GPI: variants seen among roughly 807,000 people sequenced by gnomAD.
GPI encodes D-hexose-6-phosphate anomerase.
Under a neutral mutation model 75.8 loss-of-function variants are expected in GPI, and 56 were observed. The observed-to-expected ratio is 0.74, with a 90% CI of 0.60 to 0.92. The LOEUF is 0.92. Ranked by LOEUF, GPI falls within the 40% of genes least tolerant of loss-of-function variation. The pLI is 0.00. For synonymous variants in GPI, 288 were observed against 285.4 expected, an observed-to-expected ratio of 1.01 and a Z score of -0.09; for missense variants, 638 against 741.0, an observed-to-expected ratio of 0.86 and a Z score of 1.61.
Position 34,377,803 on chromosome 19 carries a change from C to T in GPI, c.555C>T (p.Ser185=), listed in dbSNP as rs1287663478. The change falls in exon 6 of 18, where the codon TCC becomes TCT. Residue 185 remains serine, a synonymous_variant. Transcript: ENST00000356487. Reference sequence around the variant, plus strand: ...GAGGTCCCCGCGTCTGGTATGTCTCCAACATTGATGGAACTCACATTGCCA... The same window carrying T: ...GAGGTCCCCGCGTCTGGTATGTCTCTAACATTGATGGAACTCACATTGCCA... ...SSGGPRVWYV[S]NIDGTHIAKT... 6.2e-7 allele frequency: 1 copy of T among 1,614,056 alleles called. No individual in the cohort carries two copies. The highest frequency in any genetic ancestry group is 1.3e-5 in the African/African-American group (1 of 75,026).
At position 34,372,396 on chromosome 19, in the gene GPI, C is replaced by A. The variant is rs550852201; in HGVS notation, c.402+3694C>A. 3.3e-5 allele frequency among the ~76,000 whole-genome samples: 5 copies of A among 152,320 alleles called. No homozygotes were observed. The South Asian group carries it at 1.0e-3, about 32-fold the overall frequency. On this transcript the variant is annotated intron_variant, in intron 4 of 17. Coordinates refer to ENST00000356487, the MANE Select transcript of GPI (RefSeq NM_000175.5). The stretch of plus-strand genomic sequence containing the variant: ...GTTGCTCACATCTGTAATCCCAGCA[C>A]TTTGGGAGGCAGAGGCAAGAGGATT...
At position 34,365,657 on chromosome 19, in the gene GPI, C is replaced by T. The variant is rs1285487298; in HGVS notation, c.122+269C>T. ...GCCCCTCCGTGGGGACATTTCCCCT[C>T]CTCCTCCCCGTGCAGCTCTGGCCAT... On this transcript the variant is annotated intron_variant, in intron 1 of 17. Transcript: ENST00000356487. 8.0e-6 allele frequency: 5 copies of T among 627,420 alleles called. No homozygotes were observed. In the East Asian group the frequency reaches 1.0e-4, roughly 13 times the overall value. The allele number at this position is 627,420 out of a possible 1,614,324, so 38.9% of individuals were successfully genotyped here.
chr19:34,371,342 A>G (rs528275602), intron 4 of GPI, among the ~76,000 whole-genome samples: 1 of 152,366 alleles, frequency 6.6e-6, no homozygotes, highest in African/African-American at 2.4e-5. Flanking sequence ...CCTGAAACCA[A>G]GCTGTACTCA....
intron 1 of GPI, chr19:34,365,664 C>T (rs1189097861): frequency 3.2e-6 from 2 of 615,714 alleles, no homozygotes; most frequent in East Asian, 3.5e-5. Context: ...CCTCCTCCTC[C>T]CCGTGCAGCT....
Position 34,379,626 on chromosome 19 carries a change from C to A in GPI, c.750+64C>A, listed in dbSNP as rs554490172. The A allele has an allele frequency of 2.3e-6, 3 of 1,324,640 alleles. No homozygotes were observed. In the African/African-American group the frequency reaches 4.3e-5, roughly 19 times the overall value. The allele number at this position is 1,324,640 out of a possible 1,614,324, so 82.1% of individuals were successfully genotyped here. ...AGTGCCCAGCATGTCCAGGTCATGG[C>A]CTCTCAGAGACGCGGTTCGTAGGTC... On this transcript the variant is annotated intron_variant, in intron 8 of 17. Transcript: ENST00000356487.
chr19:34,367,550 G>A (rs184992397), intron 3 of GPI, among the ~76,000 whole-genome samples: 5 of 152,310 alleles, frequency 3.3e-5, no homozygotes, highest in Non-Finnish European at 5.9e-5. Context: ...GTCTGGCAGG[G>A]TGAGGGTGGG....
chr19:34,394,120 G>T, intron 12 of GPI, 54 bp downstream of exon 12: 1 of 1,436,680 alleles, frequency 7.0e-7, no homozygotes, highest in East Asian at 2.3e-5. Context: ...GGGGGTCTGG[G>T]AGGTCTAGGA....
At chr19:34,377,400 T>C in intron 4 of GPI, 103 bp from the exon 5 acceptor site, 1 of 744,392 alleles carries the variant, frequency 1.3e-6, no homozygotes, top group Non-Finnish European at 2.4e-6. Context: ...TGCGAGGGCC[T>C]GAAAGCTGGG....
chr19:34,365,062 C>T (rs1409054610), upstream of GPI: 1 of 1,460,286 alleles, frequency 6.8e-7, no homozygotes. Context: ...CGGCCGCGGG[C>T]AAGGTCGCTC....
chr19:34,393,419 C>T lies in GPI; in HGVS notation c.865+111C>T. On this transcript the variant is annotated intron_variant, in intron 10 of 17. Transcript: ENST00000356487. The surrounding 1 kb of genome is among the most constrained non-coding windows in gnomAD (Gnocchi z 4.4). The stretch of plus-strand genomic sequence containing the variant: ...TCATGCTGTCCTCACAGGCTGCTGG[C>T]CTCTCTGCAGCTGGCTGGGATATTT... 1 of 899,318 alleles carries T rather than the reference C, an allele frequency of 1.1e-6. No homozygotes were observed. The highest frequency in any genetic ancestry group is 1.9e-6 in the Non-Finnish European group (1 of 531,076). The allele number at this position is 899,318 out of a possible 1,614,324, so 55.7% of individuals were successfully genotyped here. A position where few individuals can be genotyped will look rare whatever the true frequency, so the allele number is the denominator to read the frequency against.
At chr19:34,377,170 C>T (rs536702478) in intron 4 of GPI, among the ~76,000 whole-genome samples, 3 of 150,040 alleles carry the variant, frequency 2.0e-5, no homozygotes, top group South Asian at 2.1e-4. Context: ...GGTGTGGTGG[C>T]GGGCGCCTGT....
At chr19:34,372,118 A>G (rs1317202051) in intron 4 of GPI, among the ~76,000 whole-genome samples, 1 of 151,608 alleles carries the variant, frequency 6.6e-6, no homozygotes, top group African/African-American at 2.4e-5. Flanking sequence ...TTTAGTAGAG[A>G]TGAGGTTTCA....
chr19:34,392,981 G>T, intron 9 of GPI: 1 of 516,910 alleles, frequency 1.9e-6, no homozygotes, highest in Non-Finnish European at 3.5e-6. Context: ...GGGTCTGCTG[G>T]TGTCTGCAGA....
At chr19:34,372,339 G>A (rs2074467827) in intron 4 of GPI, among the ~76,000 whole-genome samples, 1 of 152,174 alleles carries the variant, frequency 6.6e-6, no homozygotes, top group Non-Finnish European at 1.5e-5. Context: ...TCCCATGGCA[G>A]TTTATTTAAA....
At chr19:34,364,911 T>C (rs936045180), upstream of GPI, 31 of 1,446,764 alleles carry the variant, frequency 2.1e-5, no homozygotes, top group Non-Finnish European at 2.7e-5. Flanking sequence ...AGCGGCGCGA[T>C]GGTAGCTCTC....
At chr19:34,369,643 G>A (rs1270070799) in intron 4 of GPI, among the ~76,000 whole-genome samples, 1 of 151,686 alleles carries the variant, frequency 6.6e-6, no homozygotes, top group African/African-American at 2.4e-5. Context: ...TGCGGCAGAG[G>A]TTGCAGTGAG....
intron 9 of GPI, chr19:34,392,072 G>GGTGTGTTCAT: frequency 5.8e-4 from 1 of 1,720 alleles, no homozygotes; most frequent in Non-Finnish European, 7.9e-4. Flanking sequence ...TGAGGATCTG[G>GGTGTGTTCAT]GTCTGTTAAT....
chr19:34,379,990 GT>G (rs953154032), intron 8 of GPI: 1,119 of 102,484 alleles, frequency 0.011, no homozygotes, highest in South Asian at 0.032. Context: ...GTGTGGTTTT[GT>G]TTTTTTTTTT....
intron 3 of GPI, among the ~76,000 whole-genome samples, chr19:34,367,559 G>T (rs932099108): frequency 2.6e-5 from 4 of 152,134 alleles, no homozygotes; most frequent in Non-Finnish European, 5.9e-5. Context: ...GGTGAGGGTG[G>T]GGTGGCATGA....
Sources: allele counts gnomAD v4.1 joint callset (sites outside exome capture counted in the v4.1 genomes callset), GRCh38; gene constraint gnomAD v4.1.1; non-coding constraint Gnocchi (gnomAD v3.1); transcripts MANE v1.5; gene names NCBI Gene and HGNC (gene_info 2026-07-23, HGNC 2026-07-21).